PLCL2: variants seen among roughly 807,000 people sequenced by gnomAD.
PLCL2 encodes inactive phospholipase C-like protein 2.
In PLCL2, 4 loss-of-function variants were observed where a neutral mutation model predicts 79.6. The observed-to-expected ratio is 0.05, with a 90% CI of 0.02 to 0.11. The LOEUF (loss-of-function observed/expected upper bound fraction) is 0.11, where lower values mean the gene tolerates loss of function less well. PLCL2 is among the 10% of genes least tolerant of loss of function. PLCL2 has a pLI of 1.00. For synonymous variants in PLCL2, 484 were observed against 457.7 expected, an observed-to-expected ratio of 1.06 and a Z score of -0.73; for missense variants, 895 against 1,291.0, an observed-to-expected ratio of 0.69 and a Z score of 4.70.
At chr3:17,048,492 A>G (rs1416910594) in intron 4 of PLCL2, among the ~76,000 whole-genome samples, 1 of 152,202 alleles carries the variant, frequency 6.6e-6, no homozygotes, top group Non-Finnish European at 1.5e-5. Flanking sequence ...AATATGCACA[A>G]ATCTGTTATA....
chr3:17,052,206 A>T (rs1441250646), intron 4 of PLCL2, among the ~76,000 whole-genome samples: 1 of 150,498 alleles, frequency 6.6e-6, no homozygotes, highest in Non-Finnish European at 1.5e-5. Context: ...GAGCTGCTGA[A>T]AGAAATCATG....
At position 17,010,468 on chromosome 3, in the gene PLCL2, A is replaced by T. The variant is rs1370944851; in HGVS notation, c.1122A>T (p.Ala374=). Residue 374 remains alanine, a synonymous_variant, in exon 2 of 6, where the codon GCA becomes GCT. Transcript: ENST00000615277. The surrounding 1 kb of genome is among the most constrained non-coding windows in gnomAD (Gnocchi z 5.8). The part of the protein sequence containing the change: ...MMFLEAEQGV[A]HINEEISLEI... ...TTCTTGAGGCAGAACAGGGTGTGGC[A>T]CATATAAATGAGGAAATAAGCCTTG... 4 of 1,614,008 alleles carry T rather than the reference A, an allele frequency of 2.5e-6. No individual in the cohort carries two copies. Among genetic ancestry groups the T allele is most frequent in the African/African-American group, 1.3e-5 (1 of 74,920 alleles).
chr3:16,929,290 G>A (rs1360664361), intron 1 of PLCL2, among the ~76,000 whole-genome samples: 2 of 152,076 alleles, frequency 1.3e-5, no homozygotes, highest in Non-Finnish European at 2.9e-5. Context: ...GTTAAGATTT[G>A]TAGGTTCCTG....
intron 4 of PLCL2, among the ~76,000 whole-genome samples, chr3:17,054,135 C>G (rs899712802): frequency 3.3e-5 from 5 of 152,136 alleles, no homozygotes; most frequent in African/African-American, 7.2e-5. Context: ...CACTTTGCTG[C>G]TTAGGAATTT....
chr3:16,888,548 G>A (rs1441037), intron 1 of PLCL2, among the ~76,000 whole-genome samples: 78,061 of 152,036 alleles, frequency 0.51, 21,487 homozygotes, highest in East Asian at 0.85. Flanking sequence ...AGAAGAAGCC[G>A]TTATGTTTGT....
At chr3:16,891,215 C>G (rs749536893) in intron 1 of PLCL2, among the ~76,000 whole-genome samples, 5 of 152,208 alleles carry the variant, frequency 3.3e-5, no homozygotes, top group Non-Finnish European at 5.9e-5. Context: ...TGGTTCCTTT[C>G]TTTATGGCCT....
At chr3:16,982,081 A>G (rs555243436) in intron 1 of PLCL2, among the ~76,000 whole-genome samples, 5 of 152,358 alleles carry the variant, frequency 3.3e-5, no homozygotes, top group Non-Finnish European at 7.3e-5. Context: ...CAAAGGAGGA[A>G]TATCTGAAGC....
chr3:17,068,311 CT>C (rs1353663207), intron 5 of PLCL2, among the ~76,000 whole-genome samples: 2 of 152,176 alleles, frequency 1.3e-5, no homozygotes, highest in Non-Finnish European at 2.9e-5. Flanking sequence ...AGACAAAGGA[CT>C]TTTGTCATTT....
intron 1 of PLCL2, among the ~76,000 whole-genome samples, chr3:16,896,088 T>C (rs530463726): frequency 6.6e-6 from 1 of 152,324 alleles, no homozygotes; most frequent in South Asian, 2.1e-4. Context: ...TGGAAGTCTA[T>C]CATACTGCAA....
At chr3:16,980,322 G>T (rs1356458069) in intron 1 of PLCL2, among the ~76,000 whole-genome samples, 2 of 149,690 alleles carry the variant, frequency 1.3e-5, no homozygotes, top group East Asian at 2.0e-4. Context: ...GGGCGGAGAC[G>T]CTCCTCACTT....
At chr3:17,033,313 G>A (rs1006496861) in intron 3 of PLCL2, among the ~76,000 whole-genome samples, 1 of 152,096 alleles carries the variant, frequency 6.6e-6, no homozygotes, top group Non-Finnish European at 1.5e-5. Context: ...TAAAATAGTT[G>A]AATACAGTGT....
chr3:16,902,741 C>A (rs765993871), intron 1 of PLCL2, among the ~76,000 whole-genome samples: 2 of 150,662 alleles, frequency 1.3e-5, no homozygotes, highest in African/African-American at 4.9e-5. Flanking sequence ...GCAGGAGAAT[C>A]GCTTGAACCC....
intron 1 of PLCL2, among the ~76,000 whole-genome samples, chr3:16,912,543 G>T (rs1486168049): frequency 6.6e-6 from 1 of 152,308 alleles, no homozygotes; most frequent in Admixed American, 6.5e-5. Context: ...CACTTCAACA[G>T]TCATATTAGT....
chr3:17,080,612 G>A (rs2065153565), intron 5 of PLCL2, among the ~76,000 whole-genome samples: 1 of 152,198 alleles, frequency 6.6e-6, no homozygotes, highest in South Asian at 2.1e-4. Context: ...CACCATGCCT[G>A]GCTAATTTTT....
chr3:16,944,725 G>C (rs1197358813), intron 1 of PLCL2, among the ~76,000 whole-genome samples: 1 of 151,618 alleles, frequency 6.6e-6, no homozygotes, highest in East Asian at 1.9e-4. Context: ...TATTTTTTGA[G>C]GACTTTAGTT....
chr3:16,967,262 T>C (rs529713930), intron 1 of PLCL2, among the ~76,000 whole-genome samples: 25 of 152,290 alleles, frequency 1.6e-4, no homozygotes, highest in South Asian at 1.0e-3. Flanking sequence ...GAACAATTTG[T>C]ATTCCTTTGG....
rs541260070 is a variant in PLCL2, at chr3:16,929,567, C to G, written c.327+44201C>G. 3.9e-5 allele frequency among the ~76,000 whole-genome samples: 6 copies of G among 152,264 alleles called. No individual in the cohort carries two copies. The East Asian group carries it at 1.2e-3, about 29-fold the overall frequency. ...GCCATTGGCTCTCTTCCTGATTTCT[C>G]TGTGCACAGATAGAACTTCCAGCAT... On this transcript the variant is annotated intron_variant, in intron 1 of 5. Transcript: ENST00000615277.
intron 1 of PLCL2, among the ~76,000 whole-genome samples, chr3:16,888,452 A>G (rs374609367): frequency 3.9e-5 from 6 of 152,232 alleles, no homozygotes; most frequent in African/African-American, 1.4e-4. Flanking sequence ...GGAAATCATC[A>G]CCAGACTTTT....
intron 1 of PLCL2, among the ~76,000 whole-genome samples, chr3:16,905,209 G>A (rs1261158688): frequency 6.6e-6 from 1 of 152,208 alleles, no homozygotes; most frequent in Non-Finnish European, 1.5e-5. Context: ...GGGTGTGTGG[G>A]CACAGCGAGT....
Sources: gnomAD v4.1 joint callset for allele counts (sites outside exome capture counted in the v4.1 genomes callset) on GRCh38, gnomAD v4.1.1 for gene constraint, Gnocchi (gnomAD v3.1) non-coding constraint, MANE v1.5 for transcripts, NCBI Gene and HGNC (gene_info 2026-07-23, HGNC 2026-07-21) for gene names.